The following FIG4 variants were observed in gnomAD, a reference collection of about 807,000 sequenced individuals.
FIG4 encodes polyphosphoinositide phosphatase.
In FIG4, 112 loss-of-function variants were observed where a neutral mutation model predicts 118.6. That is an observed-to-expected ratio of 0.94 (90% confidence interval 0.81 to 1.11). The LOEUF (loss-of-function observed/expected upper bound fraction) is 1.11. Among genes scored for constraint, FIG4 ranks in the 50% least tolerant of loss-of-function variants. The pLI is 0.00. For missense variants in FIG4, 969 were observed against 1,111.7 expected (o/e 0.87, Z 1.83); for synonymous variants, 369 against 381.2 (o/e 0.97, Z 0.37).
At chr6:109,780,109 TAAAACAG>T (rs1238277955) in intron 16 of FIG4, among the ~76,000 whole-genome samples, 2 of 152,222 alleles carry the variant, frequency 1.3e-5, no homozygotes, top group Admixed American at 6.5e-5. Flanking sequence ...TCCACATCAT[TAAAACAG>T]AGACAATAAT....
chr6:109,822,368 A>C (rs937826820), intron 22 of FIG4, among the ~76,000 whole-genome samples: 1 of 152,178 alleles, frequency 6.6e-6, no homozygotes, highest in African/African-American at 2.4e-5. Flanking sequence ...TTGCAATAAA[A>C]AAGTGAAAAG....
intron 4 of FIG4, among the ~76,000 whole-genome samples, chr6:109,731,919 C>G (rs923779455): frequency 2.6e-5 from 4 of 152,052 alleles, no homozygotes; most frequent in African/African-American, 9.7e-5. Context: ...AAAAGTAGGA[C>G]AGTATACAAA....
chr6:109,805,486 T>C (rs185072773), intron 22 of FIG4, among the ~76,000 whole-genome samples: 2 of 152,310 alleles, frequency 1.3e-5, no homozygotes, highest in African/African-American at 4.8e-5. Context: ...AATTTTTATA[T>C]TCTTAAAAAT....
intron 4 of FIG4, among the ~76,000 whole-genome samples, chr6:109,731,890 G>A (rs185234161): frequency 5.9e-4 from 90 of 152,170 alleles, no homozygotes; most frequent in Middle Eastern, 3.4e-3. Context: ...ACGTAACTAG[G>A]TTTCAAAAAA....
intron 22 of FIG4, among the ~76,000 whole-genome samples, chr6:109,824,347 A>T (rs1779096192): frequency 6.6e-6 from 1 of 152,212 alleles, no homozygotes; most frequent in African/African-American, 2.4e-5. Context: ...ACCTTCTAAT[A>T]CATCCCCAGT....
intron 22 of FIG4, among the ~76,000 whole-genome samples, chr6:109,802,846 T>C (rs1056614016): frequency 5.9e-5 from 9 of 152,164 alleles, no homozygotes; most frequent in African/African-American, 2.2e-4. Flanking sequence ...GGGATAAGCA[T>C]GTGAGGGAAG....
At chr6:109,793,843 G>A (rs1435373132) in intron 21 of FIG4, among the ~76,000 whole-genome samples, 2 of 152,090 alleles carry the variant, frequency 1.3e-5, no homozygotes, top group Non-Finnish European at 2.9e-5. Flanking sequence ...GCACTTTTTT[G>A]AATATGCGTC....
At chr6:109,716,305 T>A in intron 2 of FIG4, 140 bp from the exon 3 acceptor site, 1 of 801,616 alleles carries the variant, frequency 1.2e-6, no homozygotes, top group Non-Finnish European at 2.0e-6. Flanking sequence ...TTTAAAATTG[T>A]AGCTTACTTG....
intron 22 of FIG4, among the ~76,000 whole-genome samples, chr6:109,803,467 G>A (rs1778478119): frequency 6.6e-6 from 1 of 152,146 alleles, no homozygotes; most frequent in South Asian, 2.1e-4. Flanking sequence ...TACAACAAGG[G>A]CAAGTTTGGG....
chr6:109,773,125 A>G (rs1367102944), intron 15 of FIG4, among the ~76,000 whole-genome samples: 1 of 152,124 alleles, frequency 6.6e-6, no homozygotes, highest in Non-Finnish European at 1.5e-5. Flanking sequence ...AAAGCCTACC[A>G]CAGTGCACCA....
intron 22 of FIG4, among the ~76,000 whole-genome samples, chr6:109,809,698 A>AT (rs1233938141): frequency 6.6e-6 from 1 of 152,310 alleles, no homozygotes; most frequent in South Asian, 2.1e-4. Flanking sequence ...ATGATTTATG[A>AT]TTTTTTAAGG....
chr6:109,787,138 C>G (rs1406428684), intron 18 of FIG4, among the ~76,000 whole-genome samples: 1 of 152,166 alleles, frequency 6.6e-6, no homozygotes, highest in Non-Finnish European at 1.5e-5. Flanking sequence ...ATCCTAGTCT[C>G]TCACCTTCAG....
At chr6:109,796,070 C>A (rs1056500132) in intron 21 of FIG4, among the ~76,000 whole-genome samples, 1 of 152,250 alleles carries the variant, frequency 6.6e-6, no homozygotes, top group Non-Finnish European at 1.5e-5. Context: ...TGAGTTGGCC[C>A]AGGCCATTTC....
intron 1 of FIG4, among the ~76,000 whole-genome samples, chr6:109,696,080 A>T (rs935239785): frequency 7.9e-5 from 12 of 152,180 alleles, no homozygotes; most frequent in Non-Finnish European, 1.8e-4. Context: ...AAAGTTATTC[A>T]TTTGTAAACT....
At chr6:109,743,300 A>T in intron 9 of FIG4, 28 bp downstream of exon 9, 1 of 1,598,530 alleles carries the variant, frequency 6.3e-7, no homozygotes, top group Non-Finnish European at 8.6e-7. Context: ...TTTAATAATA[A>T]CTCCTGTCCT....
At chr6:109,786,190 G>A (rs1777950440) in intron 17 of FIG4, 112 bp from the exon 18 acceptor site, 3 of 907,002 alleles carry the variant, frequency 3.3e-6, no homozygotes, top group South Asian at 2.9e-5. Flanking sequence ...GGTCAGGGCT[G>A]TATCCCCCAC....
intron 22 of FIG4, among the ~76,000 whole-genome samples, chr6:109,818,292 C>G (rs377712376): frequency 1.3e-5 from 2 of 152,082 alleles, no homozygotes; most frequent in Admixed American, 6.5e-5. Context: ...CCTCCACCTC[C>G]TGGGTTCAAG....
At chr6:109,782,331 A>G (rs910460627) in intron 16 of FIG4, among the ~76,000 whole-genome samples, 2 of 152,080 alleles carry the variant, frequency 1.3e-5, no homozygotes, top group African/African-American at 2.4e-5. Context: ...TCCTCCATCC[A>G]TTTTAGCTTA....
intron 1 of FIG4, among the ~76,000 whole-genome samples, chr6:109,710,367 T>C (rs1219487196): frequency 3.3e-5 from 5 of 152,218 alleles, no homozygotes; most frequent in African/African-American, 1.2e-4. Flanking sequence ...CAGTATTTTG[T>C]TGAGGATTTT....
Sources: gnomAD v4.1 joint callset for allele counts (sites outside exome capture counted in the v4.1 genomes callset) on GRCh38, gnomAD v4.1.1 for gene constraint, MANE v1.5 for transcripts, NCBI Gene and HGNC (gene_info 2026-07-23, HGNC 2026-07-21) for gene names.